Variants in LCP1 observed in about 807,000 individuals in gnomAD.
LCP1 encodes plastin-2.
Under a neutral mutation model 72.0 loss-of-function variants are expected in LCP1, and 23 were observed. The observed-to-expected ratio is 0.32, with a 90% confidence interval of 0.23 to 0.45. The LOEUF is 0.45. Among genes scored for constraint, LCP1 ranks in the 20% least tolerant of loss-of-function variants. LCP1 has a pLI of 1.00. For synonymous variants in LCP1, 245 were observed against 275.4 expected (o/e 0.89, Z 1.09); for missense variants, 571 against 748.3 (o/e 0.76, Z 2.76).
At chr13:46,132,067 T>C (rs1190499474) in intron 14 of LCP1, among the ~76,000 whole-genome samples, 1 of 150,762 alleles carries the variant, frequency 6.6e-6, no homozygotes, top group South Asian at 2.1e-4. Context: ...AAAAGGAATG[T>C]GGGGCTAGTA....
intron 13 of LCP1, among the ~76,000 whole-genome samples, chr13:46,136,017 T>C (rs1424035326): frequency 6.6e-6 from 1 of 151,834 alleles, no homozygotes; most frequent in Admixed American, 6.6e-5. Flanking sequence ...CTAGTATTCT[T>C]TTCCAGCACA....
intron 6 of LCP1, 63 bp from the exon 7 acceptor site, chr13:46,153,008 T>G: frequency 6.8e-7 from 1 of 1,463,760 alleles, no homozygotes; most frequent in South Asian, 1.3e-5. Context: ...ATAATACCGA[T>G]GGCAACAGTA....
intron 13 of LCP1, among the ~76,000 whole-genome samples, chr13:46,137,997 C>T (rs1050255558): frequency 6.6e-6 from 1 of 152,216 alleles, no homozygotes; most frequent in Non-Finnish European, 1.5e-5. Context: ...CTTCACCATC[C>T]ACAGCCTGTT....
At chr13:46,136,438 T>C (rs1262623720) in intron 13 of LCP1, among the ~76,000 whole-genome samples, 1 of 152,108 alleles carries the variant, frequency 6.6e-6, no homozygotes, top group Non-Finnish European at 1.5e-5. Context: ...CTACTGGACA[T>C]CTAGTAAATG....
At chr13:46,141,405 CAA>C (rs762462829) in intron 13 of LCP1, among the ~76,000 whole-genome samples, 3 of 52,340 alleles carry the variant, frequency 5.7e-5, no homozygotes, top group African/African-American at 8.5e-5. Context: ...GACTCTGTCT[CAA>C]AAAAAAAAAA....
At position 46,127,166 on chromosome 13, in the gene LCP1, A is replaced by C. The variant is rs2138208802; in HGVS notation, c.*425T>G. 4.3e-6 allele frequency: 1 copy of C among 234,574 alleles called. No homozygotes were observed. The highest frequency in any genetic ancestry group is 1.7e-4 in the South Asian group (1 of 5,800). The allele number at this position is 234,574 out of a possible 1,614,324, so 14.5% of individuals were successfully genotyped here. ...ACAGATCAAATGCTGACCTCCAGGA[A>C]CAGGGTTTAGGGCAGGTGTGATGTT... On this transcript the variant is annotated 3_prime_UTR_variant, in exon 16 of 16. Coordinates refer to ENST00000323076, the MANE Select transcript of LCP1 (RefSeq NM_002298.5).
intron 13 of LCP1, among the ~76,000 whole-genome samples, chr13:46,139,749 T>G (rs954095961): frequency 6.6e-6 from 1 of 152,232 alleles, no homozygotes; most frequent in Non-Finnish European, 1.5e-5. Flanking sequence ...TCTTATAATT[T>G]ATTTTCTATT....
chr13:46,150,998 C>A lies in LCP1; in HGVS notation c.820G>T (p.Ala274Ser). Residue 274 changes from alanine (A) to serine (S), a missense_variant, in exon 8 of 16, where the codon GCT becomes TCT. Coordinates refer to ENST00000323076, the MANE Select transcript of LCP1 (RefSeq NM_002298.5). ...CCTGCATTTTCCAGGTGGTAATTAG[C>A]CCACCTCAGCAAGAGCTCTTCAGGG... ...LSPEELLLRW[A>S]NYHLENAGCN... is the part of the protein sequence containing the mutation. 1.2e-6 allele frequency: 2 copies of A among 1,613,826 alleles called. No homozygotes were observed. Among genetic ancestry groups the A allele is most frequent in the South Asian group, 1.1e-5 (1 of 91,074 alleles).
intron 10 of LCP1, among the ~76,000 whole-genome samples, chr13:46,144,813 TA>T (rs1157179189): frequency 5.9e-5 from 9 of 152,178 alleles, no homozygotes; most frequent in Non-Finnish European, 2.9e-5. Context: ...ACAGGACTTT[TA>T]GGCATCAAAC....
At chr13:46,141,775 ATAG>A (rs2045700330) in intron 13 of LCP1, among the ~76,000 whole-genome samples, 1 of 152,200 alleles carries the variant, frequency 6.6e-6, no homozygotes. Flanking sequence ...GATCTATAAA[ATAG>A]TAGGAAGAGC....
chr13:46,134,194 A>G lies in LCP1; in HGVS notation c.1559T>C (p.Ile520Thr), dbSNP rs764238982. 6.2e-7 allele frequency: 1 copy of G among 1,612,452 alleles called. No individual in the cohort carries two copies. Among genetic ancestry groups the G allele is most frequent in the Admixed American group, 1.7e-5 (1 of 60,014 alleles). ...IGGGQKVNDD[I>T]IVNWVNETLR... ...TGTTTCATTCACCCAGTTGACAATAATGTCATCATTGACCTTCTGGCCACC... is the reference window on the plus strand; with the variant it reads ...TGTTTCATTCACCCAGTTGACAATAGTGTCATCATTGACCTTCTGGCCACC... The change falls in exon 14 of 16, where the codon ATT (isoleucine) becomes ACT (threonine). Residue 520 changes from isoleucine to threonine, a missense_variant. Coordinates refer to ENST00000323076, the MANE Select transcript of LCP1 (RefSeq NM_002298.5).
At chr13:46,158,391 G>T in intron 4 of LCP1, 131 bp downstream of exon 4, 1 of 971,300 alleles carries the variant, frequency 1.0e-6, no homozygotes, top group Non-Finnish European at 1.5e-6. Flanking sequence ...GACCCACTTA[G>T]TCACAGGAAA....
intron 1 of LCP1, among the ~76,000 whole-genome samples, chr13:46,176,305 T>A (rs1242034608): frequency 6.6e-6 from 1 of 152,178 alleles, no homozygotes; most frequent in Non-Finnish European, 1.5e-5. Flanking sequence ...CATTACTAGG[T>A]ACCCCATAAA....
At chr13:46,162,796 G>GCGA (rs2045850135) in intron 1 of LCP1, among the ~76,000 whole-genome samples, 3 of 151,218 alleles carry the variant, frequency 2.0e-5, no homozygotes, top group Admixed American at 2.0e-4. Flanking sequence ...CTGCCCCGCC[G>GCGA]CCCCGTCTGG....
chr13:46,181,905 A>T (rs1432905004), intron 1 of LCP1, among the ~76,000 whole-genome samples: 4 of 152,208 alleles, frequency 2.6e-5, no homozygotes, highest in Non-Finnish European at 5.9e-5. Context: ...AACCCAGCCC[A>T]GAGAGCCGAG....
intron 1 of LCP1, among the ~76,000 whole-genome samples, chr13:46,174,772 G>A (rs2045920043): frequency 6.7e-6 from 1 of 149,722 alleles, no homozygotes; most frequent in African/African-American, 2.5e-5. Context: ...CTTGAACCCA[G>A]TAGGCGGAAG....
intron 7 of LCP1, 28 bp downstream of exon 7, chr13:46,152,752 A>G (rs753515964): frequency 1.3e-5 from 21 of 1,602,178 alleles, no homozygotes; most frequent in Non-Finnish European, 1.8e-5. Context: ...AAGCTGTGTC[A>G]TAAATGACCT....
At chr13:46,173,837 CCTTCTAACAGT>C (rs2045915332) in intron 1 of LCP1, among the ~76,000 whole-genome samples, 1 of 152,144 alleles carries the variant, frequency 6.6e-6, no homozygotes, top group Non-Finnish European at 1.5e-5. Flanking sequence ...GTGGAAAGTA[CCTTCTAACAGT>C]TGAGGAAGTA....
At chr13:46,174,533 C>G (rs951758358) in intron 1 of LCP1, among the ~76,000 whole-genome samples, 4 of 152,154 alleles carry the variant, frequency 2.6e-5, no homozygotes, top group African/African-American at 7.2e-5. Context: ...GACTTGGGAT[C>G]TCTTCCTGAT....
Sources: allele counts gnomAD v4.1 joint callset (sites outside exome capture counted in the v4.1 genomes callset), GRCh38; gene constraint gnomAD v4.1.1; transcripts MANE v1.5; gene names NCBI Gene and HGNC (gene_info 2026-07-23, HGNC 2026-07-21).